SH2B2: variants seen among roughly 807,000 people sequenced by gnomAD.
SH2B2 encodes the protein SH2B adapter protein 2.
SH2B2 carries 37 observed loss-of-function variants against 35.7 expected under a neutral mutation model. The ratio of observed to expected loss-of-function variants is 1.04; its 90% confidence interval spans 0.80 to 1.36. SH2B2 has a LOEUF of 1.36. Among genes scored for constraint, SH2B2 ranks in the 40% most tolerant of loss-of-function variants. SH2B2 has a pLI of 0.00. For synonymous variants in SH2B2, 383 were observed against 376.4 expected (o/e 1.02, Z -0.20); for missense variants, 852 against 817.7 (o/e 1.04, Z -0.51).
chr7:102,299,197 C>CTTTTTTTTTTTTTT lies in SH2B2; in HGVS notation c.-29-1319_-29-1306dup, dbSNP rs71123035. ...TACAGGCATGAGCCACCGCGCCTGG[C>CTTTTTTTTTTTTTT]TTTTTTTTTTTTTTTTTTTGAGGTG... is the stretch of plus-strand genomic sequence containing the variant. On this transcript the variant is annotated intron_variant, in intron 1 of 8. Coordinates refer to ENST00000444095, the MANE Select transcript of SH2B2 (RefSeq NM_001359228.2). Among the ~76,000 whole-genome samples the CTTTTTTTTTTTTTT allele has an allele frequency of 1.7e-3, 43 of 24,632 alleles. 8 individuals carry two copies. The highest frequency in any genetic ancestry group is 7.3e-3 in the South Asian group (4 of 550). 16.2% of individuals were successfully genotyped at this position (24,632 alleles called of 152,430 possible).
chr7:102,320,993 G>A (rs991490965), intron 8 of SH2B2, among the ~76,000 whole-genome samples: 2 of 152,168 alleles, frequency 1.3e-5, no homozygotes, highest in African/African-American at 4.8e-5. Flanking sequence ...ATGCATGAGC[G>A]TGTGCATGCG....
rs71123035 is a variant in SH2B2, at chr7:102,299,197, C to CTTTTTTTTTTTTTTTTTTTTTTTTT, written c.-29-1306_-29-1305insTTTTTTTTTTTTTTTTTTTTTTTTT. Among the ~76,000 whole-genome samples, 71 of 24,624 alleles carry CTTTTTTTTTTTTTTTTTTTTTTTTT rather than the reference C, an allele frequency of 2.9e-3. 25 individuals are homozygous for CTTTTTTTTTTTTTTTTTTTTTTTTT. The highest frequency in any genetic ancestry group is 5.0e-3 in the East Asian group (4 of 802). 16.2% of individuals were successfully genotyped at this position (24,624 alleles called of 152,430 possible). A position where few individuals can be genotyped will look rare whatever the true frequency, so the allele number is the denominator to read the frequency against. ...TACAGGCATGAGCCACCGCGCCTGG[C>CTTTTTTTTTTTTTTTTTTTTTTTTT]TTTTTTTTTTTTTTTTTTTGAGGTG... On this transcript the variant is annotated intron_variant, in intron 1 of 8. Transcript: ENST00000444095.
In SH2B2 at chr7:102,300,573, C is replaced by A; in HGVS notation, c.23C>A (p.Pro8His). The A allele has an allele frequency of 6.5e-7, 1 of 1,548,576 alleles. No individual in the cohort carries two copies. The highest frequency in any genetic ancestry group is 8.7e-7 in the Non-Finnish European group (1 of 1,146,442). Residue 8 changes from proline to histidine, a missense_variant, in exon 2 of 9, where the codon CCC (proline) becomes CAC (histidine). Pro to His is a moderately conservative substitution (Grantham distance 77). Around this residue, in one of 3 missense-constraint regions of SH2B2, gnomAD observed 294 missense variants for 286.6 expected, o/e 1.03. Coordinates refer to ENST00000444095, the MANE Select transcript of SH2B2 (RefSeq NM_001359228.2). ...GCCATGAATGGTGCCGGCCCTGGCC[C>A]CGCCGCAGCCGCCCCGGTCCCAGTC... is the stretch of plus-strand genomic sequence containing the variant. Reference protein sequence around the residue: MNGAGPGPAAAAPVPVPV... With the variant: MNGAGPGHAAAAPVPVPV...
At chr7:102,290,507 C>G (rs188753984) in intron 1 of SH2B2, among the ~76,000 whole-genome samples, 1 of 152,104 alleles carries the variant, frequency 6.6e-6, no homozygotes, top group African/African-American at 2.4e-5. Flanking sequence ...TCAAGTGATC[C>G]GCCCTCCTCG....
At chr7:102,286,719 C>T (rs1293623959), upstream of SH2B2, among the ~76,000 whole-genome samples, 3 of 138,438 alleles carry the variant, frequency 2.2e-5, no homozygotes, top group South Asian at 4.7e-4. Flanking sequence ...GCTCGGGCTC[C>T]GCGGATGGCC....
At chr7:102,296,885 G>A (rs1010270300) in intron 1 of SH2B2, among the ~76,000 whole-genome samples, 4 of 152,044 alleles carry the variant, frequency 2.6e-5, no homozygotes, top group South Asian at 2.1e-4. Context: ...AGGCTGAGGC[G>A]GGAGGATCGC....
intron 1 of SH2B2, among the ~76,000 whole-genome samples, chr7:102,291,715 G>A (rs1472553475): frequency 6.6e-6 from 1 of 152,218 alleles, no homozygotes; most frequent in African/African-American, 2.4e-5. Flanking sequence ...CTACCTTGTG[G>A]GGATGTGGTC....
rs1276270754 is a variant in SH2B2, at chr7:102,308,710, G to A, written c.832-105G>A. On this transcript the variant is annotated intron_variant, in intron 3 of 8. Coordinates refer to ENST00000444095, the MANE Select transcript of SH2B2 (RefSeq NM_001359228.2). ...GCTGCTCATGCCCTTGAGCCCTGCT[G>A]TGGGAGAGGGGGATCAGCCATTTGA... The A allele has an allele frequency of 2.9e-5, 24 of 826,996 alleles. No individual in the cohort carries two copies. In the Admixed American group the frequency reaches 3.9e-4, roughly 13 times the overall value. The allele number at this position is 826,996 out of a possible 1,614,324, so 51.2% of individuals were successfully genotyped here. A position where few individuals can be genotyped will look rare whatever the true frequency, so the allele number is the denominator to read the frequency against.
At chr7:102,301,650 C>T (rs1793203111) in intron 2 of SH2B2, among the ~76,000 whole-genome samples, 1 of 151,892 alleles carries the variant, frequency 6.6e-6, no homozygotes, top group African/African-American at 2.4e-5. Flanking sequence ...CGGCTCACTG[C>T]AACCTGTGCC....
intron 1 of SH2B2, among the ~76,000 whole-genome samples, chr7:102,292,594 A>G (rs982078170): frequency 6.6e-6 from 1 of 151,058 alleles, no homozygotes; most frequent in Non-Finnish European, 1.5e-5. Context: ...GCCACTTGGG[A>G]GGCTGAGGCA....
chr7:102,299,491 A>G (rs193147666), intron 1 of SH2B2, among the ~76,000 whole-genome samples: 11 of 151,940 alleles, frequency 7.2e-5, no homozygotes, highest in African/African-American at 2.4e-4. Context: ...GCCACCGCAC[A>G]TGGCAGTCTT....
upstream of SH2B2, among the ~76,000 whole-genome samples, chr7:102,286,080 C>T (rs544608294): frequency 6.6e-6 from 1 of 152,238 alleles, no homozygotes; most frequent in East Asian, 1.9e-4. Context: ...CTAAAGCAGG[C>T]GAGTTCTGGA....
intron 1 of SH2B2, among the ~76,000 whole-genome samples, chr7:102,296,917 T>C (rs1554552577): frequency 1.3e-5 from 2 of 151,884 alleles, no homozygotes; most frequent in Non-Finnish European, 2.9e-5. Context: ...AGTTGGAGGC[T>C]GCAGTAAACT....
chr7:102,294,089 C>G (rs150632772), intron 1 of SH2B2, among the ~76,000 whole-genome samples: 5,252 of 152,148 alleles, frequency 0.035, 328 homozygotes, highest in African/African-American at 0.12. Flanking sequence ...GGAGTGCAGT[C>G]GTGCAATCTC....
At chr7:102,293,462 G>C (rs1246647634) in intron 1 of SH2B2, among the ~76,000 whole-genome samples, 8 of 150,126 alleles carry the variant, frequency 5.3e-5, no homozygotes, top group African/African-American at 2.0e-4. Flanking sequence ...CATCCCATCA[G>C]AGATGGGGAA....
chr7:102,293,617 G>T (rs1479873390), intron 1 of SH2B2, among the ~76,000 whole-genome samples: 8 of 152,092 alleles, frequency 5.3e-5, no homozygotes, highest in Non-Finnish European at 7.4e-5. Context: ...GGGGGCCCTG[G>T]CTGGGCTTCC....
At chr7:102,287,477 C>G (rs1207750289) in intron 1 of SH2B2, among the ~76,000 whole-genome samples, 1 of 152,144 alleles carries the variant, frequency 6.6e-6, no homozygotes, top group Non-Finnish European at 1.5e-5. Context: ...CTTCCCTACG[C>G]TGGGAGCGCT....
At chr7:102,305,902 T>TC (rs1340626805) in intron 2 of SH2B2, among the ~76,000 whole-genome samples, 1 of 145,798 alleles carries the variant, frequency 6.9e-6, no homozygotes, top group African/African-American at 2.5e-5. Flanking sequence ...TCTTTTTTTT[T>TC]TTTTTTTTTT....
intron 1 of SH2B2, among the ~76,000 whole-genome samples, chr7:102,295,473 C>T (rs1792868956): frequency 6.6e-6 from 1 of 152,064 alleles, no homozygotes; most frequent in African/African-American, 2.4e-5. Flanking sequence ...CGTGACCTTC[C>T]CTGGAGGCCA....
Sources: allele counts gnomAD v4.1 joint callset (sites outside exome capture counted in the v4.1 genomes callset), GRCh38; gene constraint gnomAD v4.1.1; regional missense constraint gnomAD v4.1.1; transcripts MANE v1.5; gene names NCBI Gene and HGNC (gene_info 2026-07-23, HGNC 2026-07-21).